The following ZNF397 variants were observed in gnomAD, a reference collection of about 807,000 sequenced individuals.
The protein encoded by ZNF397 is zinc finger and SCAN domain-containing protein 15.
A neutral mutation model predicts 50.6 loss-of-function variants in ZNF397; 38 were observed. That is an observed-to-expected ratio of 0.75 (90% CI 0.58 to 0.98). The LOEUF (loss-of-function observed/expected upper bound fraction) is 0.98, where lower values mean the gene tolerates loss of function less well. Among genes scored for constraint, ZNF397 ranks in the 50% least tolerant of loss-of-function variants. ZNF397 has a pLI of 0.00. For missense variants in ZNF397, 624 were observed against 624.1 expected, an observed-to-expected ratio of 1.00 and a Z score of 0.00; for synonymous variants, 228 against 215.2, an observed-to-expected ratio of 1.06 and a Z score of -0.52.
rs1312168765 is a variant in ZNF397 at position 35,245,892 on chromosome 18, C to T, written c.1187C>T (p.Pro396Leu). ...CAAAGAATTCACACTGGTGAGAAACCTTATGAGTGTAATGAATGTGGGAAA... is the reference window on the plus strand; with the variant it reads ...CAAAGAATTCACACTGGTGAGAAACTTTATGAGTGTAATGAATGTGGGAAA... ...IHQRIHTGEKPYECNECGKTF... is the reference protein window; with the variant it reads ...IHQRIHTGEKLYECNECGKTF... The change falls in exon 4 of 4, where the codon CCT becomes CTT. Residue 396 changes from proline (P) to leucine (L), a missense_variant. Coordinates refer to ENST00000330501, the MANE Select transcript of ZNF397 (RefSeq NM_001135178.3). The T allele has an allele frequency of 1.3e-6, 2 of 1,562,316 alleles. No individual in the cohort carries two copies. The highest frequency in any genetic ancestry group is 1.9e-5 in the Admixed American group (1 of 52,046).
chr18:35,245,813 A>G lies in ZNF397; in HGVS notation c.1108A>G (p.Lys370Glu). ...RKIHTGEKACKCNECGKAFSQ... is the reference protein window; with the variant it reads ...RKIHTGEKACECNECGKAFSQ... ...AATCCATACTGGTGAGAAAGCTTGT[A>G]AATGTAATGAGTGTGGCAAAGCATT... The change falls in exon 4 of 4, where the codon AAA becomes GAA. Residue 370 changes from lysine to glutamate, a missense_variant. Coordinates refer to ENST00000330501, the MANE Select transcript of ZNF397 (RefSeq NM_001135178.3). 6.4e-7 allele frequency: 1 copy of G among 1,552,230 alleles called. No individual in the cohort carries two copies. Among genetic ancestry groups the G allele is most frequent in the Non-Finnish European group, 8.7e-7 (1 of 1,147,204 alleles).
rs767397920 is a variant in ZNF397, at chr18:35,245,813, AAATGT to A, written c.1113_1117del (p.Cys371Ter). The A allele has an allele frequency of 5.8e-6, 9 of 1,552,112 alleles. No individual in the cohort carries two copies. In the Admixed American group the frequency reaches 7.8e-5, roughly 14 times the overall value. ...AATCCATACTGGTGAGAAAGCTTGTAAATGTAATGAGTGTGGCAAAGCATTCAGTC... is the reference window on the plus strand; with the variant it reads ...AATCCATACTGGTGAGAAAGCTTGTAAATGAGTGTGGCAAAGCATTCAGTC... On this transcript the variant is annotated frameshift_variant, in exon 4 of 4. Transcript: ENST00000330501. LOFTEE classifies it high-confidence loss of function.
chr18:35,245,174 G>A, intron 3 of ZNF397, 88 bp from the exon 4 acceptor site: 6 of 1,443,266 alleles, frequency 4.2e-6, no homozygotes, highest in Non-Finnish European at 5.5e-6. Context: ...ATCTTTGTAG[G>A]TAGAAGCTTC....
downstream of ZNF397, chr18:35,254,439 T>C: frequency 6.2e-7 from 1 of 1,612,240 alleles, no homozygotes; most frequent in Non-Finnish European, 8.5e-7. Flanking sequence ...GAAGAAACTG[T>C]TGTAGCAGGA....
At chr18:35,258,042 A>G (rs1466634751) in exon 6 of ZNF397, 2 of 777,942 alleles carry the variant, frequency 2.6e-6, no homozygotes, top group Non-Finnish European at 4.8e-6. Context: ...AGAAACTTAT[A>G]ACTCAAGGTT....
chr18:35,243,108 T>C, intron 2 of ZNF397, 44 bp from the exon 3 acceptor site: 1 of 1,611,094 alleles, frequency 6.2e-7, no homozygotes, highest in South Asian at 1.1e-5. Context: ...GCAAGTTTTC[T>C]TAGGGATTTT....
intron 5 of ZNF397, chr18:35,257,530 C>G (rs2143671501): frequency 4.5e-6 from 1 of 222,648 alleles, no homozygotes; most frequent in East Asian, 1.2e-4. Context: ...AAGGTGCCAT[C>G]CATGAGAAAG....
chr18:35,243,322 C>CT, intron 3 of ZNF397, 29 bp downstream of exon 3: 1 of 1,614,166 alleles, frequency 6.2e-7, no homozygotes, highest in Non-Finnish European at 8.5e-7. Context: ...TCTGGAAACT[C>CT]TTGACACTTA....
downstream of ZNF397, chr18:35,254,281 T>C: frequency 6.2e-7 from 1 of 1,614,144 alleles, no homozygotes; most frequent in South Asian, 1.1e-5. Flanking sequence ...GGGAATGTGT[T>C]TCTCCAGGAA....
At chr18:35,253,934 C>A (rs781447594), downstream of ZNF397, 5 of 1,614,182 alleles carry the variant, frequency 3.1e-6, no homozygotes, top group Non-Finnish European at 4.2e-6. Flanking sequence ...GGCTTTGCCA[C>A]ATTCTTTACA....
downstream of ZNF397, chr18:35,251,455 CAA>C (rs1175509498): frequency 2.6e-5 from 4 of 152,226 alleles, no homozygotes; most frequent in African/African-American, 4.8e-5. Context: ...CCTCTGGACA[CAA>C]AGAGGCCGAA....
chr18:35,254,208 C>A (rs377480730), downstream of ZNF397: 3 of 1,614,148 alleles, frequency 1.9e-6, no homozygotes, highest in Non-Finnish European at 2.5e-6. Flanking sequence ...TTGTTCCCTG[C>A]AGCATTTCCC....
At chr18:35,253,559 T>G, downstream of ZNF397, 1 of 1,614,026 alleles carries the variant, frequency 6.2e-7, no homozygotes, top group South Asian at 1.1e-5. Flanking sequence ...AATTCTCTGG[T>G]GCTGGGTGAG....
At chr18:35,254,855 T>G in intron 5 of ZNF397, 1 of 172,966 alleles carries the variant, frequency 5.8e-6, no homozygotes, top group Middle Eastern at 5.1e-4. Flanking sequence ...GAGTTAGCAC[T>G]GAACAGAGGT....
chr18:35,242,927 C>T (rs777720103), intron 2 of ZNF397, 43 bp downstream of exon 2: 1 of 1,560,078 alleles, frequency 6.4e-7, no homozygotes, highest in South Asian at 1.2e-5. Flanking sequence ...AATTTACAGC[C>T]TGGAGCATGT....
At chr18:35,251,064 T>C (rs2043574642), downstream of ZNF397, 1 of 152,224 alleles carries the variant, frequency 6.6e-6, no homozygotes, top group Non-Finnish European at 1.5e-5. Flanking sequence ...AAGCAAACTT[T>C]TAAAACTCAA....
In ZNF397 at chr18:35,246,622, C is replaced by T. The variant is rs939365177; in HGVS notation, c.*312C>T. ...TATGAAAGTGTCATGAATATAGCAA[C>T]CCAGGCTCTGTCACTGCATCTGATT... On this transcript the variant is annotated 3_prime_UTR_variant, in exon 4 of 4. Coordinates refer to ENST00000330501, the MANE Select transcript of ZNF397 (RefSeq NM_001135178.3). 1.8e-6 allele frequency: 2 copies of T among 1,086,426 alleles called. No homozygotes were observed. Among genetic ancestry groups the T allele is most frequent in the Non-Finnish European group, 2.2e-6 (2 of 893,850 alleles). 67.3% of individuals were successfully genotyped at this position (1,086,426 alleles called of 1,614,324 possible).
At position 35,246,146 on chromosome 18, in the gene ZNF397, T is replaced by G; in HGVS notation, c.1441T>G (p.Tyr481Asp). Residue 481 changes from tyrosine (Y) to aspartate (D), a missense_variant, in exon 4 of 4, where the codon TAT becomes GAT. Tyr to Asp is a radical substitution (Grantham distance 160). Coordinates refer to ENST00000330501, the MANE Select transcript of ZNF397 (RefSeq NM_001135178.3). Reference protein sequence around the residue: ...HQRIHSGEEPYQCNECGKTFK... With the variant: ...HQRIHSGEEPDQCNECGKTFK... ...GAGAATTCATAGTGGGGAGGAACCT[T>G]ATCAGTGTAATGAATGTGGCAAAAC... The G allele has an allele frequency of 1.3e-6, 2 of 1,551,344 alleles. No individual in the cohort carries two copies. Among genetic ancestry groups the G allele is most frequent in the Non-Finnish European group, 1.7e-6 (2 of 1,146,574 alleles).
chr18:35,254,103 T>A (rs550216234), downstream of ZNF397: 73 of 1,614,052 alleles, frequency 4.5e-5, no homozygotes, highest in South Asian at 7.2e-4. Flanking sequence ...CTTCCTTCAC[T>A]CTCATGAGAT....
Sources: gnomAD v4.1 joint callset for allele counts on GRCh38, gnomAD v4.1.1 for gene constraint, MANE v1.5 for transcripts, NCBI Gene and HGNC (gene_info 2026-07-23, HGNC 2026-07-21) for gene names.